Variants in NCOA7 observed in about 807,000 individuals in gnomAD.
NCOA7 encodes nuclear receptor coactivator 7.
Under a neutral mutation model 104.3 loss-of-function variants are expected in NCOA7, and 45 were observed. That is an observed-to-expected ratio of 0.43 (90% CI 0.34 to 0.55). NCOA7 has a LOEUF of 0.55. Ranked by LOEUF, NCOA7 falls within the 20% of genes least tolerant of loss-of-function variation. The pLI, the probability that NCOA7 is intolerant of heterozygous loss-of-function variation, is 0.02. For synonymous variants in NCOA7, 398 were observed against 402.3 expected (o/e 0.99, Z 0.13); for missense variants, 1,041 against 1,119.7 (o/e 0.93, Z 1.00).
intron 3 of NCOA7, among the ~76,000 whole-genome samples, chr6:125,869,887 A>G (rs909471181): frequency 3.3e-5 from 5 of 152,234 alleles, no homozygotes; most frequent in South Asian, 2.1e-4. Context: ...CTTCTAATCT[A>G]TGGAACTGTA....
At chr6:125,899,093 G>A (rs187966368) in intron 10 of NCOA7, among the ~76,000 whole-genome samples, 23 of 152,090 alleles carry the variant, frequency 1.5e-4, no homozygotes, top group African/African-American at 5.3e-4. Flanking sequence ...CTATTCACAT[G>A]CATTTAGTGA....
chr6:125,862,687 C>T (rs1181958128), intron 3 of NCOA7, among the ~76,000 whole-genome samples: 1 of 137,640 alleles, frequency 7.3e-6, no homozygotes, highest in Admixed American at 6.9e-5. Flanking sequence ...ATTGACTTTT[C>T]CATTCACACT....
chr6:125,821,292 T>C (rs1189070590), intron 2 of NCOA7, among the ~76,000 whole-genome samples: 1 of 152,208 alleles, frequency 6.6e-6, no homozygotes, highest in Non-Finnish European at 1.5e-5. Context: ...AAATATAATT[T>C]GACTGCTATG....
At chr6:125,822,557 T>C (rs1778283882) in intron 2 of NCOA7, among the ~76,000 whole-genome samples, 1 of 152,230 alleles carries the variant, frequency 6.6e-6, no homozygotes, top group African/African-American at 2.4e-5. Flanking sequence ...GCTGTGTCTG[T>C]ATCTCTGAGT....
chr6:125,797,887 A>G (rs1775487466), intron 1 of NCOA7: 1 of 152,218 alleles, frequency 6.6e-6, no homozygotes, highest in African/African-American at 2.4e-5. Flanking sequence ...ACCTTCCAAA[A>G]TAATTTCTAT....
chr6:125,894,534 A>G (rs1644191097), intron 10 of NCOA7, among the ~76,000 whole-genome samples: 1 of 152,202 alleles, frequency 6.6e-6, no homozygotes, highest in Non-Finnish European at 1.5e-5. Context: ...TCCTTGTACC[A>G]TAATTTCTTA....
intron 10 of NCOA7, among the ~76,000 whole-genome samples, chr6:125,902,737 A>C (rs1423624165): frequency 6.6e-6 from 1 of 152,142 alleles, no homozygotes; most frequent in African/African-American, 2.4e-5. Context: ...AGGACAGTGG[A>C]AGTGACCCTA....
chr6:125,833,598 G>C (rs1197264351), intron 2 of NCOA7, among the ~76,000 whole-genome samples: 2 of 149,338 alleles, frequency 1.3e-5, no homozygotes, highest in Non-Finnish European at 3.0e-5. Context: ...AAGGGAGGGG[G>C]GGAGGGGGAG....
Position 125,928,907 on chromosome 6 carries a change from C to A in NCOA7, c.*136C>A. 1.1e-6 allele frequency: 1 copy of A among 906,264 alleles called. No homozygotes were observed. Among genetic ancestry groups the A allele is most frequent in the Non-Finnish European group, 1.6e-6 (1 of 618,156 alleles). The allele number at this position is 906,264 out of a possible 1,614,324, so 56.1% of individuals were successfully genotyped here. A position where few individuals can be genotyped will look rare whatever the true frequency, so the allele number is the denominator to read the frequency against. ...CTTCCTTTCTGCCATCATCTCAGAG[C>A]ATGATCACATTGCAGAAAGATTCTG... is the stretch of plus-strand genomic sequence containing the variant. On this transcript the variant is annotated 3_prime_UTR_variant, in exon 16 of 16. Transcript: ENST00000392477.
chr6:125,896,007 A>G (rs1246381180), intron 10 of NCOA7, among the ~76,000 whole-genome samples: 1 of 148,028 alleles, frequency 6.8e-6, no homozygotes, highest in African/African-American at 2.5e-5. Context: ...GTGTATATAT[A>G]TATAAAATAT....
At chr6:125,874,392 G>A (rs550763789) in intron 3 of NCOA7, among the ~76,000 whole-genome samples, 1 of 152,192 alleles carries the variant, frequency 6.6e-6, no homozygotes, top group South Asian at 2.1e-4. Flanking sequence ...TATTCTTTTT[G>A]TTTTCATTGT....
chr6:125,890,393 T>C (rs955176933), intron 9 of NCOA7, among the ~76,000 whole-genome samples: 1 of 152,238 alleles, frequency 6.6e-6, no homozygotes, highest in South Asian at 2.1e-4. Flanking sequence ...TTTGCTATTC[T>C]ATTGGTTTTT....
At chr6:125,806,109 G>C (rs550757321) in intron 1 of NCOA7, among the ~76,000 whole-genome samples, 2 of 152,300 alleles carry the variant, frequency 1.3e-5, no homozygotes, top group East Asian at 1.9e-4. Context: ...GGGAGGCTGA[G>C]GTGGGCAGAT....
At chr6:125,835,831 G>A (rs1490739170) in intron 2 of NCOA7, among the ~76,000 whole-genome samples, 1 of 152,202 alleles carries the variant, frequency 6.6e-6, no homozygotes, top group South Asian at 2.1e-4. Context: ...GAAATCTACT[G>A]CAGTTTTCTG....
chr6:125,850,030 A>G (rs1286062128), intron 2 of NCOA7, among the ~76,000 whole-genome samples: 1 of 152,190 alleles, frequency 6.6e-6, no homozygotes, highest in East Asian at 1.9e-4. Flanking sequence ...GCAAATCCGT[A>G]TTGTGAGACT....
intron 3 of NCOA7, among the ~76,000 whole-genome samples, chr6:125,874,140 C>T (rs2128639055): frequency 6.6e-6 from 1 of 152,292 alleles, no homozygotes; most frequent in African/African-American, 2.4e-5. Flanking sequence ...GCCTGGCCAA[C>T]ATGGCGAAAC....
chr6:125,893,953 T>A (rs1562151837), intron 10 of NCOA7, among the ~76,000 whole-genome samples: 1 of 152,142 alleles, frequency 6.6e-6, no homozygotes. Flanking sequence ...CAGGTCATTC[T>A]CTTGAGACAG....
intron 5 of NCOA7, among the ~76,000 whole-genome samples, chr6:125,878,998 C>T (rs1023981644): frequency 2.8e-4 from 43 of 152,106 alleles, no homozygotes; most frequent in African/African-American, 8.4e-4. Flanking sequence ...ACAATTGAAT[C>T]GCAATCTATG....
intron 5 of NCOA7, 28 bp from the exon 6 acceptor site, chr6:125,881,058 GTACT>G (rs757109694): frequency 2.1e-5 from 30 of 1,407,606 alleles, no homozygotes; most frequent in Non-Finnish European, 2.9e-5. Context: ...CTGGTTGCTG[GTACT>G]CACCCATCTG....
Sources: allele counts gnomAD v4.1 joint callset (sites outside exome capture counted in the v4.1 genomes callset), GRCh38; gene constraint gnomAD v4.1.1; transcripts MANE v1.5; gene names NCBI Gene and HGNC (gene_info 2026-07-23, HGNC 2026-07-21).